DLG2: variants seen among roughly 807,000 people sequenced by gnomAD.
DLG2 encodes the protein disks large homolog 2.
Under a neutral mutation model 132.5 loss-of-function variants are expected in DLG2, and 45 were observed. The observed-to-expected ratio is 0.34, with a 90% CI of 0.27 to 0.44. The LOEUF (loss-of-function observed/expected upper bound fraction) is 0.44, where lower values mean the gene tolerates loss of function less well. Ranked by LOEUF, DLG2 falls within the 20% of genes least tolerant of loss-of-function variation. DLG2 has a pLI of 1.00. For synonymous variants in DLG2, 424 were observed against 419.6 expected (o/e 1.01, Z -0.13); for missense variants, 1,045 against 1,196.9 (o/e 0.87, Z 1.87).
intron 11 of DLG2, among the ~76,000 whole-genome samples, chr11:84,055,382 A>G (rs1446094532): frequency 6.6e-6 from 1 of 152,100 alleles, no homozygotes; most frequent in Non-Finnish European, 1.5e-5. Context: ...CCTTCTAAAA[A>G]TTACATATTT....
At chr11:83,722,430 T>C (rs940724492) in intron 18 of DLG2, among the ~76,000 whole-genome samples, 1 of 152,194 alleles carries the variant, frequency 6.6e-6, no homozygotes, top group Admixed American at 6.5e-5. Context: ...GTAGAGGAGT[T>C]GTGGGAAGTA....
At chr11:84,737,488 G>A (rs1596954249) in intron 6 of DLG2, among the ~76,000 whole-genome samples, 1 of 136,092 alleles carries the variant, frequency 7.3e-6, no homozygotes, top group East Asian at 2.1e-4. Flanking sequence ...TCAAGAGAGA[G>A]AGAAAGAAAG....
In DLG2 at chr11:83,600,541, G is replaced by T. The variant is rs142592747; in HGVS notation, c.1940+32670C>A. Among the ~76,000 whole-genome samples, 50 of 152,292 alleles carry T rather than the reference G, an allele frequency of 3.3e-4. 2 individuals carry two copies. Among genetic ancestry groups the T allele is most frequent in the African/African-American group, 1.2e-3 (49 of 41,558 alleles). ...AGCTACATACAGTCAAGGCAGACAG[G>T]AAGAGAGAGAGGGTAGTGTCTGAGT... On this transcript the variant is annotated intron_variant, in intron 19 of 27. Coordinates refer to ENST00000376104, the MANE Select transcript of DLG2 (RefSeq NM_001142699.3).
intron 3 of DLG2, among the ~76,000 whole-genome samples, chr11:85,357,238 TTGTGTGTGTGTGTGTGTGTGTG>T (rs71036472): frequency 1.4e-4 from 16 of 118,128 alleles, no homozygotes; most frequent in Admixed American, 8.2e-4. Flanking sequence ...AATATCCTCT[TTGTGTGTGTGTGTGTGTGTGTG>T]TGTGTGTGTG....
rs530817240 is a variant in DLG2, at chr11:84,959,580, G to A, written c.357+152081C>T. On this transcript the variant is annotated intron_variant, in intron 6 of 27. Transcript: ENST00000376104. ...CTGCAGATCCCTAAAGCTTAGCACA[G>A]TGCCTACTACCATGTTAGTTTCTTA... 5.3e-5 allele frequency among the ~76,000 whole-genome samples: 8 copies of A among 152,308 alleles called. No homozygotes were observed. In the East Asian group the frequency reaches 9.6e-4, roughly 18 times the overall value.
chr11:83,470,312 T>C (rs118045293), intron 24 of DLG2, among the ~76,000 whole-genome samples: 1,626 of 152,044 alleles, frequency 0.011, 19 homozygotes, highest in Non-Finnish European at 0.016. Context: ...AGAGAAAAAA[T>C]GCATGCATAG....
rs903778140 is a variant in DLG2 at position 84,911,694 on chromosome 11, C to T, written c.357+199967G>A. Among the ~76,000 whole-genome samples the T allele has an allele frequency of 3.9e-5, 6 of 152,028 alleles. 1 individual carries two copies. In the South Asian group the frequency reaches 8.3e-4, roughly 21 times the overall value. On this transcript the variant is annotated intron_variant, in intron 6 of 27. Coordinates refer to ENST00000376104, the MANE Select transcript of DLG2 (RefSeq NM_001142699.3). The stretch of plus-strand genomic sequence containing the variant: ...TTAAAAACACAAATATATATAAATC[C>T]AAATGTGTACAAATATCTTAACATA...
intron 3 of DLG2, among the ~76,000 whole-genome samples, chr11:85,289,039 A>AC (rs1479952904): frequency 1.3e-5 from 2 of 151,844 alleles, no homozygotes; most frequent in Non-Finnish European, 2.9e-5. Flanking sequence ...ATTAATTTAT[A>AC]CCCCCAAATG....
intron 17 of DLG2, among the ~76,000 whole-genome samples, chr11:83,829,340 G>T (rs950455701): frequency 6.6e-6 from 1 of 151,914 alleles, no homozygotes; most frequent in Non-Finnish European, 1.5e-5. Context: ...GGGACTACAG[G>T]TGCACACCAC....
At chr11:84,628,495 C>T (rs915963223) in intron 6 of DLG2, among the ~76,000 whole-genome samples, 13 of 152,332 alleles carry the variant, frequency 8.5e-5, no homozygotes, top group Non-Finnish European at 1.5e-4. Context: ...TCTTTACATA[C>T]CAATCTTGAC....
intron 11 of DLG2, among the ~76,000 whole-genome samples, chr11:84,011,437 T>G (rs2094885791): frequency 6.6e-6 from 1 of 152,032 alleles, no homozygotes; most frequent in Non-Finnish European, 1.5e-5. Context: ...TACCACTGTA[T>G]TCCAGCTTGG....
intron 3 of DLG2, among the ~76,000 whole-genome samples, chr11:85,306,788 G>A (rs760981315): frequency 2.6e-5 from 4 of 152,090 alleles, no homozygotes; most frequent in African/African-American, 7.2e-5. Flanking sequence ...GAGCCAGGAT[G>A]GTCTCAATCT....
Position 83,668,864 on chromosome 11 carries a change from TATA to T in DLG2, c.1826-35542_1826-35540del, listed in dbSNP as rs1239983716. On this transcript the variant is annotated intron_variant, in intron 18 of 27. Transcript: ENST00000376104. ...ACACACACACACATATATATATATA[TATA>T]TTTTTTTTTTATGATAGACTATGAG... Among the ~76,000 whole-genome samples the T allele has an allele frequency of 8.1e-4, 97 of 120,284 alleles. 5 individuals carry two copies. Among genetic ancestry groups the T allele is most frequent in the African/African-American group, 3.7e-3 (88 of 24,088 alleles). 78.9% of individuals were successfully genotyped at this position (120,284 alleles called of 152,430 possible).
At chr11:83,635,961 C>A (rs1283200353) in intron 18 of DLG2, among the ~76,000 whole-genome samples, 2 of 152,118 alleles carry the variant, frequency 1.3e-5, no homozygotes, top group African/African-American at 4.8e-5. Flanking sequence ...AGGGCCTTGT[C>A]TGGAACACAG....
intron 7 of DLG2, among the ~76,000 whole-genome samples, chr11:84,260,273 C>A (rs2154356876): frequency 6.6e-6 from 1 of 152,128 alleles, no homozygotes; most frequent in Non-Finnish European, 1.5e-5. Context: ...GTGCCCCATG[C>A]CAAACAGAAT....
In DLG2 at chr11:83,501,045, T is replaced by C. The variant is rs114968816; in HGVS notation, c.2194-16817A>G. Among the ~76,000 whole-genome samples the C allele has an allele frequency of 9.7e-3, 1,482 of 152,274 alleles. 16 individuals carry two copies. The highest frequency in any genetic ancestry group is 0.03 in the African/African-American group (1,250 of 41,560). On this transcript the variant is annotated intron_variant, in intron 21 of 27. Transcript: ENST00000376104. The stretch of plus-strand genomic sequence containing the variant: ...CTAAGTAAAGAAGAAAAAACCTTTA[T>C]TCCCTACTTTGCTCACTTTACAGTT...
chr11:85,079,853 A>G (rs138396584), intron 6 of DLG2, among the ~76,000 whole-genome samples: 25 of 152,164 alleles, frequency 1.6e-4, no homozygotes, highest in African/African-American at 5.3e-4. Flanking sequence ...GATAGTCTCA[A>G]TCTCCTGAGC....
intron 3 of DLG2, among the ~76,000 whole-genome samples, chr11:85,374,369 T>C (rs2085233686): frequency 6.6e-6 from 1 of 152,202 alleles, no homozygotes; most frequent in Non-Finnish European, 1.5e-5. Context: ...TGAATGGATG[T>C]TGTTGAATGT....
intron 18 of DLG2, among the ~76,000 whole-genome samples, chr11:83,661,589 G>A (rs1218735252): frequency 6.6e-6 from 1 of 152,066 alleles, no homozygotes; most frequent in Non-Finnish European, 1.5e-5. Context: ...GCAACAGAAA[G>A]AAAGTACTTT....
Sources: gnomAD v4.1 joint callset for allele counts (sites outside exome capture counted in the v4.1 genomes callset) on GRCh38, gnomAD v4.1.1 for gene constraint, MANE v1.5 for transcripts, NCBI Gene and HGNC (gene_info 2026-07-23, HGNC 2026-07-21) for gene names.